PPFIA2: variants seen among roughly 807,000 people sequenced by gnomAD.
PPFIA2 encodes liprin-alpha-2.
A neutral mutation model predicts 175.5 loss-of-function variants in PPFIA2; 46 were observed. That is an observed-to-expected ratio of 0.26 (90% CI 0.21 to 0.34). PPFIA2 has a LOEUF of 0.34. Among genes scored for constraint, PPFIA2 ranks in the 10% least tolerant of loss-of-function variants. PPFIA2 has a pLI of 1.00. For synonymous variants in PPFIA2, 568 were observed against 511.4 expected, an observed-to-expected ratio of 1.11 and a Z score of -1.49; for missense variants, 1,179 against 1,506.1, an observed-to-expected ratio of 0.78 and a Z score of 3.60.
At chr12:81,302,119 T>A (rs2138434767) in intron 22 of PPFIA2, 1 of 354,504 alleles carries the variant, frequency 2.8e-6, no homozygotes, top group Non-Finnish European at 5.6e-6. Context: ...TAGGTGCTTC[T>A]TGTTTCAGTA....
chr12:81,462,570 G>GTATATA (rs1254816940), intron 4 of PPFIA2, among the ~76,000 whole-genome samples: 5 of 74,176 alleles, frequency 6.7e-5, no homozygotes, highest in African/African-American at 2.7e-4. Context: ...ATATATATGT[G>GTATATA]TATATATATA....
intron 4 of PPFIA2, among the ~76,000 whole-genome samples, chr12:81,585,408 C>T (rs1257323303): frequency 6.6e-6 from 1 of 151,778 alleles, no homozygotes; most frequent in Non-Finnish European, 1.5e-5. Context: ...TGTAATAACA[C>T]TTAGCTTAAA....
At chr12:81,380,431 C>T (rs947003565) in intron 9 of PPFIA2, among the ~76,000 whole-genome samples, 2 of 151,978 alleles carry the variant, frequency 1.3e-5, no homozygotes, top group African/African-American at 4.8e-5. Flanking sequence ...ATCCAGTTGA[C>T]TCTATGTGAC....
intron 4 of PPFIA2, among the ~76,000 whole-genome samples, chr12:81,499,324 C>CA (rs2060348677): frequency 6.6e-6 from 1 of 151,874 alleles, no homozygotes; most frequent in African/African-American, 2.4e-5. Flanking sequence ...ATGATAATCT[C>CA]AAAAAAGGGG....
intron 7 of PPFIA2, among the ~76,000 whole-genome samples, chr12:81,410,003 C>A (rs765929790): frequency 6.6e-6 from 1 of 151,978 alleles, no homozygotes; most frequent in Admixed American, 6.6e-5. Flanking sequence ...CTTTAGGAGA[C>A]GATAAATGGA....
intron 8 of PPFIA2, among the ~76,000 whole-genome samples, chr12:81,403,482 A>G (rs76720549): frequency 6.6e-6 from 1 of 152,198 alleles, no homozygotes; most frequent in Non-Finnish European, 1.5e-5. Flanking sequence ...GGCAACCAAT[A>G]GGTGATGGTC....
chr12:81,481,512 C>T (rs2058221994), intron 4 of PPFIA2, among the ~76,000 whole-genome samples: 1 of 152,186 alleles, frequency 6.6e-6, no homozygotes, highest in East Asian at 1.9e-4. Flanking sequence ...CTACAGTAAC[C>T]AAAACATCAT....
chr12:81,629,626 A>C (rs1393060881), intron 4 of PPFIA2, among the ~76,000 whole-genome samples: 2 of 152,208 alleles, frequency 1.3e-5, no homozygotes, highest in Non-Finnish European at 2.9e-5. Context: ...AACGCTTAGG[A>C]GTAACCTGGA....
chr12:81,509,210 T>C (rs1280736188), intron 4 of PPFIA2, among the ~76,000 whole-genome samples: 1 of 152,188 alleles, frequency 6.6e-6, no homozygotes, highest in East Asian at 1.9e-4. Flanking sequence ...TTTGTTTAGA[T>C]GTGTAGATGG....
rs185387279 is a variant in PPFIA2 at position 81,348,248 on chromosome 12, C to A, written c.1995-478G>T. Among the ~76,000 whole-genome samples the A allele has an allele frequency of 2.6e-3, 392 of 152,126 alleles. 1 individual carries two copies. Among genetic ancestry groups the A allele is most frequent in the African/African-American group, 9.1e-3 (377 of 41,528 alleles). On this transcript the variant is annotated intron_variant, in intron 17 of 32. Transcript: ENST00000549396. Reference sequence around the variant, plus strand: ...ATTCAAAGTCATTGAATCTTACCTCCTACCTAATGAAAAAGTTTAAATGAT... The same window carrying A: ...ATTCAAAGTCATTGAATCTTACCTCATACCTAATGAAAAAGTTTAAATGAT...
intron 7 of PPFIA2, among the ~76,000 whole-genome samples, chr12:81,407,164 A>G (rs1221646234): frequency 1.3e-5 from 2 of 152,152 alleles, no homozygotes; most frequent in African/African-American, 4.8e-5. Context: ...CTTAAATTAG[A>G]TTGTGTAACC....
chr12:81,690,305 C>G (rs1195962262), intron 3 of PPFIA2, among the ~76,000 whole-genome samples: 1 of 152,084 alleles, frequency 6.6e-6, no homozygotes, highest in Non-Finnish European at 1.5e-5. Flanking sequence ...GGAGCTACAT[C>G]AAGCCATGTG....
chr12:81,454,336 A>G (rs1237113005), intron 5 of PPFIA2, among the ~76,000 whole-genome samples: 1 of 152,218 alleles, frequency 6.6e-6, no homozygotes, highest in African/African-American at 2.4e-5. Flanking sequence ...TTAAATACAT[A>G]GTCTGTGGGT....
chr12:81,630,532 C>T (rs550846357), intron 4 of PPFIA2, among the ~76,000 whole-genome samples: 1 of 152,206 alleles, frequency 6.6e-6, no homozygotes, highest in Admixed American at 6.5e-5. Flanking sequence ...GGACAAATAT[C>T]TCCTATTATC....
chr12:81,539,482 T>G (rs1211856914), intron 4 of PPFIA2, among the ~76,000 whole-genome samples: 2 of 151,830 alleles, frequency 1.3e-5, no homozygotes, highest in African/African-American at 2.4e-5. Flanking sequence ...CTTGATGTGG[T>G]TTTCCCACAA....
chr12:81,689,151 A>C (rs2074909158), intron 3 of PPFIA2, among the ~76,000 whole-genome samples: 1 of 151,826 alleles, frequency 6.6e-6, no homozygotes, highest in Non-Finnish European at 1.5e-5. Flanking sequence ...TAGCAACACT[A>C]TCCAAAATCA....
At chr12:81,644,653 T>C (rs2065809156) in intron 4 of PPFIA2, among the ~76,000 whole-genome samples, 1 of 152,104 alleles carries the variant, frequency 6.6e-6, no homozygotes, top group South Asian at 2.1e-4. Context: ...TTTAAAACAT[T>C]ATTATTCTGT....
chr12:81,575,406 C>G (rs561213916), intron 4 of PPFIA2, among the ~76,000 whole-genome samples: 29 of 151,808 alleles, frequency 1.9e-4, no homozygotes, highest in African/African-American at 6.7e-4. Context: ...AATTTTTATT[C>G]AAAGTGTTTC....
At chr12:81,314,278 T>C (rs981154921) in intron 22 of PPFIA2, among the ~76,000 whole-genome samples, 60 of 152,046 alleles carry the variant, frequency 3.9e-4, no homozygotes, top group Non-Finnish European at 1.9e-4. Flanking sequence ...TAATTTTTCT[T>C]ATTGTAAATA....
Sources: gnomAD v4.1 joint callset for allele counts (sites outside exome capture counted in the v4.1 genomes callset) on GRCh38, gnomAD v4.1.1 for gene constraint, MANE v1.5 for transcripts, NCBI Gene and HGNC (gene_info 2026-07-23, HGNC 2026-07-21) for gene names.